Variants in PTPRH observed in about 807,000 individuals in gnomAD.
PTPRH encodes the protein protein tyrosine phosphatase receptor type H.
In PTPRH, 113 loss-of-function variants were observed where a neutral mutation model predicts 130.2. That is an observed-to-expected ratio of 0.87 (90% CI 0.75 to 1.01). PTPRH has a LOEUF of 1.01. Among genes scored for constraint, PTPRH ranks in the 50% least tolerant of loss-of-function variants. The pLI, the probability that PTPRH is intolerant of heterozygous loss-of-function variation, is 0.00. For synonymous variants in PTPRH, 556 were observed against 577.9 expected, an observed-to-expected ratio of 0.96 and a Z score of 0.54; for missense variants, 1,430 against 1,425.0, an observed-to-expected ratio of 1.00 and a Z score of -0.06.
In PTPRH at chr19:55,209,456, C is replaced by A. The variant is rs1600091715; in HGVS notation, c.-23G>T. ...CATGCCTCCAGACACTGCCGGGGAC[C>A]CAGGAGTCCCAGGCCTAGTCCTTCC... On this transcript the variant is annotated 5_prime_UTR_variant, in exon 1 of 20. Coordinates refer to ENST00000376350, the MANE Select transcript of PTPRH (RefSeq NM_002842.5). This position sits in a 1 kb window ranked among gnomAD's most constrained non-coding sequence, Gnocchi z 4.1. 7.4e-6 allele frequency: 11 copies of A among 1,493,866 alleles called. No individual in the cohort carries two copies. Among genetic ancestry groups the A allele is most frequent in the East Asian group, 2.4e-5 (1 of 40,950 alleles). The allele number at this position is 1,493,866 out of a possible 1,614,324, so 92.5% of individuals were successfully genotyped here.
Position 55,205,422 on chromosome 19 carries a change from C to G in PTPRH, c.523G>C (p.Val175Leu). ...TRSTAHTNIT[V>L]DGLEPGCLYA... ...AAACACCCGGGTTCAAGTCCATCCA[C>G]GGTGATGTTAGTGTGTGCTGTGCTT... The change falls in exon 4 of 20, where the codon GTG becomes CTG. Residue 175 changes from valine to leucine, a missense_variant. Physicochemically the swap from Val to Leu is conservative, Grantham distance 32. Coordinates refer to ENST00000376350, the MANE Select transcript of PTPRH (RefSeq NM_002842.5). The G allele has an allele frequency of 6.2e-7, 1 of 1,614,160 alleles. No individual in the cohort carries two copies. The highest frequency in any genetic ancestry group is 8.5e-7 in the Non-Finnish European group (1 of 1,180,030).
At chr19:55,187,790 AT>A (rs1206500520) in intron 13 of PTPRH, among the ~76,000 whole-genome samples, 187 bp from the exon 14 acceptor site, 3 of 151,764 alleles carry the variant, frequency 2.0e-5, no homozygotes, top group African/African-American at 7.3e-5. Flanking sequence ...ACTGGGGAGG[AT>A]TTAGGGAACC....
At chr19:55,200,681 G>A (rs1031112720) in intron 6 of PTPRH, among the ~76,000 whole-genome samples, 179 bp from the exon 7 acceptor site, 3 of 152,174 alleles carry the variant, frequency 2.0e-5, no homozygotes, top group Admixed American at 6.5e-5. Flanking sequence ...GGTGGCTCAC[G>A]CCTGTAATCC....
At position 55,181,830 on chromosome 19, in the gene PTPRH, TC is replaced by T; in HGVS notation, c.3271del (p.Glu1091LysfsTer27). ...QQSAQAPAEK[E>X]VPYEDVENLI... ...GTTTTCGACATCCTCATACGGGACT[TC>T]CTTCTCGGCTGGGGCCTGGGCTGAC... On this transcript the variant is annotated frameshift_variant, in exon 20 of 20. Transcript: ENST00000376350. LOFTEE classifies it low-confidence loss of function (END_TRUNC). 1 of 1,614,136 alleles carries T rather than the reference TC, an allele frequency of 6.2e-7. No individual in the cohort carries two copies. Among genetic ancestry groups the T allele is most frequent in the Middle Eastern group, 1.7e-4 (1 of 6,052 alleles).
At position 55,197,245 on chromosome 19, in the gene PTPRH, T is replaced by C. The variant is rs1452805431; in HGVS notation, c.1862A>G (p.Gln621Arg). The stretch of plus-strand genomic sequence containing the variant: ...CCACGTCTCATTGGTCCTGCTGGTC[T>C]GGTTGACCCAATTCGCTTGGGGATC... ...GQDPQANWVN[Q>R]TSRTNETWYK... Residue 621 changes from glutamine to arginine, a missense_variant, in exon 9 of 20, where the codon CAG (glutamine) becomes CGG (arginine). Physicochemically the swap from Gln to Arg is conservative, Grantham distance 43. Transcript: ENST00000376350. The C allele has an allele frequency of 6.2e-7, 1 of 1,614,274 alleles. No individual in the cohort carries two copies. The highest frequency in any genetic ancestry group is 1.1e-5 in the South Asian group (1 of 91,092).
rs745794075 is a variant in PTPRH at position 55,196,734 on chromosome 19, A to G, written c.2045T>C (p.Val682Ala). The G allele has an allele frequency of 3.7e-6, 6 of 1,613,726 alleles. No homozygotes were observed. The Admixed American group carries it at 1.0e-4, about 27-fold the overall frequency. ...CTGGGGGCAGGACCAGATCAAGTTG[A>G]CTCCATAGCCCGCTGAGGTGCTGAC... ...SCVSTSAGYG[V>A]NLIWSCPQGG... Residue 682 changes from valine (V) to alanine (A), a missense_variant, in exon 10 of 20, where the codon GTC becomes GCC. By Grantham distance (64) the Val-to-Ala change is moderately conservative. Coordinates refer to ENST00000376350, the MANE Select transcript of PTPRH (RefSeq NM_002842.5).
chr19:55,192,157 CTTTG>C (rs2086561527), intron 10 of PTPRH: 1 of 357,408 alleles, frequency 2.8e-6, no homozygotes, highest in South Asian at 2.1e-5. Flanking sequence ...AATCCCAGCA[CTTTG>C]GGAGGCGGAG....
At chr19:55,195,380 T>C (rs1323633555) in intron 10 of PTPRH, among the ~76,000 whole-genome samples, 1 of 151,930 alleles carries the variant, frequency 6.6e-6, no homozygotes, top group Non-Finnish European at 1.5e-5. Flanking sequence ...CACATGCCTG[T>C]GATCCCAGAT....
At chr19:55,201,058 G>T (rs2086849559) in intron 6 of PTPRH, among the ~76,000 whole-genome samples, 1 of 152,238 alleles carries the variant, frequency 6.6e-6, no homozygotes, top group African/African-American at 2.4e-5. Flanking sequence ...TATGCCTGGG[G>T]TTACTGCCTA....
intron 3 of PTPRH, 55 bp from the exon 4 acceptor site, chr19:55,205,647 C>T: frequency 6.3e-7 from 1 of 1,599,106 alleles, no homozygotes; most frequent in Non-Finnish European, 8.5e-7. Context: ...CTCAAACTTT[C>T]CAGCCCTTCC....
rs377218040 is a variant in PTPRH at position 55,198,665 on chromosome 19, G to A, written c.1668C>T (p.Asn556=). 1.2e-6 allele frequency: 2 copies of A among 1,611,896 alleles called. No homozygotes were observed. Among genetic ancestry groups the A allele is most frequent in the Admixed American group, 3.3e-5 (2 of 59,746 alleles). ...CACCAGTGGCTGCAGTGAGGGTGCT[G>A]TTATAGCCTCTGACCTCATTCCTCT... ...WAERNEVRGY[N]STLTAATAPN... Residue 556 remains asparagine (N), a synonymous_variant, in exon 8 of 20, where the codon AAC becomes AAT. Transcript: ENST00000376350.
chr19:55,184,765 C>A (rs527844564), intron 18 of PTPRH, among the ~76,000 whole-genome samples: 13 of 150,586 alleles, frequency 8.6e-5, no homozygotes, highest in Non-Finnish European at 1.5e-5. Context: ...CCACCCTGGG[C>A]GACAGGGAGA....
chr19:55,203,730 CT>C (rs2086947284), intron 5 of PTPRH, 51 bp downstream of exon 5: 2 of 1,551,914 alleles, frequency 1.3e-6, no homozygotes, highest in African/African-American at 2.7e-5. Context: ...CAACCACCCC[CT>C]ACCACTGTCC....
intron 3 of PTPRH, 76 bp from the exon 4 acceptor site, chr19:55,205,668 C>T: frequency 6.3e-7 from 1 of 1,580,304 alleles, no homozygotes; most frequent in Non-Finnish European, 8.6e-7. Flanking sequence ...TTAACCGTTG[C>T]ATCCAGCAGG....
intron 10 of PTPRH, among the ~76,000 whole-genome samples, chr19:55,192,717 A>G (rs1029335062): frequency 2.6e-5 from 4 of 150,946 alleles, no homozygotes. Flanking sequence ...ACTCCTGGCT[A>G]ATTTTTTGTA....
chr19:55,191,579 A>G, intron 11 of PTPRH, 31 bp from the exon 12 acceptor site: 1 of 1,613,772 alleles, frequency 6.2e-7, no homozygotes, highest in Non-Finnish European at 8.5e-7. Context: ...TGAGAGGCTC[A>G]GGGGGTGAGG....
chr19:55,187,413 G>T, intron 14 of PTPRH, 100 bp downstream of exon 14: 1 of 805,664 alleles, frequency 1.2e-6, no homozygotes, highest in Non-Finnish European at 2.0e-6. Context: ...CCACGGTAGG[G>T]GGCAGGACTT....
At chr19:55,183,779 G>A (rs1201337392) in intron 18 of PTPRH, among the ~76,000 whole-genome samples, 1 of 152,172 alleles carries the variant, frequency 6.6e-6, no homozygotes, top group African/African-American at 2.4e-5. Context: ...ACAACGCTGT[G>A]CAGCCCCCAC....
chr19:55,193,972 C>T, intron 10 of PTPRH: 1 of 352,280 alleles, frequency 2.8e-6, no homozygotes, highest in South Asian at 2.2e-5. Flanking sequence ...CCTCAGCCTC[C>T]TGAGTAGTTG....
Sources: gnomAD v4.1 joint callset for allele counts (sites outside exome capture counted in the v4.1 genomes callset) on GRCh38, gnomAD v4.1.1 for gene constraint, Gnocchi (gnomAD v3.1) non-coding constraint, MANE v1.5 for transcripts, NCBI Gene and HGNC (gene_info 2026-07-23, HGNC 2026-07-21) for gene names.